Variants in DLGAP1 observed in about 807,000 individuals in gnomAD.
DLGAP1 encodes the protein disks large-associated protein 1.
Under a neutral mutation model 90.8 loss-of-function variants are expected in DLGAP1, and 11 were observed. The ratio of observed to expected loss-of-function variants is 0.12; its 90% CI spans 0.08 to 0.20. DLGAP1 has a LOEUF of 0.20. Ranked by LOEUF, DLGAP1 falls within the 10% of genes least tolerant of loss-of-function variation. DLGAP1 has a pLI of 1.00. For missense variants in DLGAP1, 1,050 were observed against 1,333.8 expected, an observed-to-expected ratio of 0.79 and a Z score of 3.31; for synonymous variants, 558 against 540.7, an observed-to-expected ratio of 1.03 and a Z score of -0.44.
intron 2 of DLGAP1, among the ~76,000 whole-genome samples, chr18:4,049,764 T>C (rs889816079): frequency 6.6e-6 from 1 of 152,224 alleles, no homozygotes; most frequent in Middle Eastern, 3.4e-3. Flanking sequence ...GGTTTTTACT[T>C]TACCCTTGAC....
intron 7 of DLGAP1, among the ~76,000 whole-genome samples, chr18:3,718,995 C>T (rs1282695197): frequency 6.8e-6 from 1 of 147,686 alleles, no homozygotes; most frequent in East Asian, 2.0e-4. Flanking sequence ...GAAAAAAATA[C>T]AAGCAAATCC....
At chr18:4,134,236 C>T (rs1411882349) in intron 2 of DLGAP1, among the ~76,000 whole-genome samples, 1 of 151,988 alleles carries the variant, frequency 6.6e-6, no homozygotes, top group Non-Finnish European at 1.5e-5. Flanking sequence ...TTGCATCCTC[C>T]CCAGCTAATT....
At chr18:4,216,340 T>C (rs2077955876) in intron 1 of DLGAP1, among the ~76,000 whole-genome samples, 1 of 151,776 alleles carries the variant, frequency 6.6e-6, no homozygotes, top group Non-Finnish European at 1.5e-5. Context: ...TTATGGGAAC[T>C]ACAATTCAAT....
At chr18:4,373,356 C>T in intron 1 of DLGAP1, among the ~76,000 whole-genome samples, 1 of 152,186 alleles carries the variant, frequency 6.6e-6, no homozygotes, top group East Asian at 1.9e-4. Flanking sequence ...AAAGTGGAAG[C>T]TATAAACACT....
Position 3,690,100 on chromosome 18 carries a change from T to G in DLGAP1, c.1591+39035A>C, listed in dbSNP as rs1391033727. 2.2e-3 allele frequency among the ~76,000 whole-genome samples: 228 copies of G among 104,564 alleles called. 2 individuals carry two copies. In the South Asian group the frequency reaches 0.028, roughly 13 times the overall value. 68.6% of individuals were successfully genotyped at this position (104,564 alleles called of 152,430 possible). ...ACCCTGCGGGCTGGGTGAGGTTTTT[T>G]TTTTTTTTTTTTTTTTTTGACAGTG... On this transcript the variant is annotated intron_variant, in intron 7 of 12. Coordinates refer to ENST00000315677, the MANE Select transcript of DLGAP1 (RefSeq NM_004746.4).
At chr18:3,780,888 C>A (rs1293546528) in intron 5 of DLGAP1, among the ~76,000 whole-genome samples, 9 of 151,578 alleles carry the variant, frequency 5.9e-5, no homozygotes, top group Non-Finnish European at 4.4e-5. Flanking sequence ...TGGCTCACTG[C>A]AACCTCGAAT....
chr18:4,407,317 A>C (rs1393341914), intron 1 of DLGAP1, among the ~76,000 whole-genome samples: 1 of 152,224 alleles, frequency 6.6e-6, no homozygotes, highest in Non-Finnish European at 1.5e-5. Context: ...CTTTAGAGAA[A>C]GAGATGTCAT....
intron 1 of DLGAP1, among the ~76,000 whole-genome samples, chr18:4,154,790 G>A (rs949416006): frequency 3.9e-5 from 6 of 152,130 alleles, no homozygotes; most frequent in Non-Finnish European, 7.4e-5. Context: ...AGGAACAAGG[G>A]AAAGCACTCA....
intron 1 of DLGAP1, among the ~76,000 whole-genome samples, chr18:4,217,766 C>A (rs1403428069): frequency 6.6e-6 from 1 of 152,046 alleles, no homozygotes; most frequent in Non-Finnish European, 1.5e-5. Flanking sequence ...AAATGCTTTA[C>A]CAAACACATA....
chr18:4,301,965 T>G (rs1039234741), intron 1 of DLGAP1, among the ~76,000 whole-genome samples: 1 of 152,210 alleles, frequency 6.6e-6, no homozygotes, highest in African/African-American at 2.4e-5. Context: ...TCAGGTCCCT[T>G]GCCTACTTTT....
At chr18:3,681,403 G>A (rs902439252) in intron 7 of DLGAP1, among the ~76,000 whole-genome samples, 2 of 152,128 alleles carry the variant, frequency 1.3e-5, no homozygotes, top group African/African-American at 2.4e-5. Context: ...AAAGTGTAAG[G>A]CATTTTAAAA....
Position 3,692,412 on chromosome 18 carries a change from C to A in DLGAP1, c.1591+36723G>T, listed in dbSNP as rs529937045. On this transcript the variant is annotated intron_variant, in intron 7 of 12. Transcript: ENST00000315677. ...CTCCAGAGTTCAAATGTAATTTTAT[C>A]ATTTTAATTAGTAGTTTATCCTTTT... Among the ~76,000 whole-genome samples, 7 of 152,280 alleles carry A rather than the reference C, an allele frequency of 4.6e-5. No individual in the cohort carries two copies. The East Asian group carries it at 1.4e-3, about 29-fold the overall frequency.
chr18:3,858,614 A>G (rs1187221637), intron 4 of DLGAP1, among the ~76,000 whole-genome samples: 2 of 152,062 alleles, frequency 1.3e-5, no homozygotes, highest in Non-Finnish European at 2.9e-5. Flanking sequence ...AGATACTGGA[A>G]GGGGATTTCA....
Position 4,390,463 on chromosome 18 carries a change from C to A in DLGAP1, c.-267+64543G>T, listed in dbSNP as rs192663911. ...AAAATGTATAATGACATGTGTCCAC[C>A]ATTGTAGTATCATATAGAATAGTTC... On this transcript the variant is annotated intron_variant, in intron 1 of 12. Coordinates refer to ENST00000315677, the MANE Select transcript of DLGAP1 (RefSeq NM_004746.4). Among the ~76,000 whole-genome samples, 4 of 152,192 alleles carry A rather than the reference C, an allele frequency of 2.6e-5. No individual in the cohort carries two copies. The East Asian group carries it at 7.7e-4, about 29-fold the overall frequency.
At chr18:3,701,391 C>T (rs1298076583) in intron 7 of DLGAP1, among the ~76,000 whole-genome samples, 2 of 152,168 alleles carry the variant, frequency 1.3e-5, no homozygotes, top group African/African-American at 4.8e-5. Context: ...TCACGTCCCT[C>T]CCTACAAATC....
chr18:3,787,869 C>T (rs8084406), intron 5 of DLGAP1, among the ~76,000 whole-genome samples: 29,411 of 152,094 alleles, frequency 0.19, 2,947 homozygotes, highest in Admixed American at 0.23. Context: ...ATGAAGTTCT[C>T]TGAAGTGCCC....
intron 1 of DLGAP1, among the ~76,000 whole-genome samples, chr18:4,393,908 C>T (rs1277106154): frequency 6.6e-6 from 1 of 152,112 alleles, no homozygotes; most frequent in Non-Finnish European, 1.5e-5. Context: ...GAATCTAATG[C>T]CGCTGCTGAT....
intron 1 of DLGAP1, among the ~76,000 whole-genome samples, chr18:4,387,400 A>C (rs568787315): frequency 5.9e-5 from 9 of 152,342 alleles, no homozygotes; most frequent in Non-Finnish European, 1.0e-4. Flanking sequence ...CCAGACGATG[A>C]TTTTAAAATG....
At chr18:3,792,551 C>T (rs1424089718) in intron 5 of DLGAP1, among the ~76,000 whole-genome samples, 1 of 152,122 alleles carries the variant, frequency 6.6e-6, no homozygotes, top group Non-Finnish European at 1.5e-5. Flanking sequence ...CCTCTTACTT[C>T]CCTTCTCTCA....
Sources: gnomAD v4.1 joint callset for allele counts (sites outside exome capture counted in the v4.1 genomes callset) on GRCh38, gnomAD v4.1.1 for gene constraint, MANE v1.5 for transcripts, NCBI Gene and HGNC (gene_info 2026-07-23, HGNC 2026-07-21) for gene names.